LRP6: variants seen among roughly 807,000 people sequenced by gnomAD.
LRP6 encodes the protein LDL receptor related protein 6.
LRP6 carries 43 observed loss-of-function variants against 184.1 expected under a neutral mutation model. That is an observed-to-expected ratio of 0.23 (90% CI 0.18 to 0.30). The LOEUF is 0.30. Ranked by LOEUF, LRP6 falls within the 10% of genes least tolerant of loss-of-function variation. The pLI is 1.00. For synonymous variants in LRP6, 719 were observed against 684.9 expected, an observed-to-expected ratio of 1.05 and a Z score of -0.78; for missense variants, 1,571 against 2,005.3, an observed-to-expected ratio of 0.78 and a Z score of 4.14.
intron 2 of LRP6, among the ~76,000 whole-genome samples, chr12:12,231,990 C>T (rs1461062185): frequency 2.0e-5 from 3 of 149,410 alleles, no homozygotes; most frequent in African/African-American, 7.4e-5. Context: ...CGAAGCGAGA[C>T]CCTGCCTCAA....
chr12:12,136,367 T>C (rs996440321), intron 16 of LRP6, among the ~76,000 whole-genome samples: 2 of 151,930 alleles, frequency 1.3e-5, no homozygotes, highest in Non-Finnish European at 2.9e-5. Flanking sequence ...AAAGAGTTAT[T>C]AGAAGAAAAA....
intron 7 of LRP6, among the ~76,000 whole-genome samples, chr12:12,176,349 G>A (rs1863182010): frequency 6.6e-6 from 1 of 152,094 alleles, no homozygotes; most frequent in African/African-American, 2.4e-5. Context: ...ACAGATAGGT[G>A]GCCACTATCA....
At chr12:12,174,262 C>T (rs1863117345) in intron 7 of LRP6, among the ~76,000 whole-genome samples, 1 of 152,068 alleles carries the variant, frequency 6.6e-6, no homozygotes. Flanking sequence ...CAGGCGCATG[C>T]CACCACGTTT....
At chr12:12,196,583 C>T (rs1565632331) in intron 3 of LRP6, among the ~76,000 whole-genome samples, 1 of 151,576 alleles carries the variant, frequency 6.6e-6, no homozygotes, top group African/African-American at 2.4e-5. Flanking sequence ...TTGATCAGTT[C>T]TAAGAATTTT....
chr12:12,220,398 G>A (rs185460730), intron 2 of LRP6, among the ~76,000 whole-genome samples: 1 of 152,182 alleles, frequency 6.6e-6, no homozygotes, highest in East Asian at 1.9e-4. Flanking sequence ...GTGTGAACAT[G>A]TCACCTAACA....
intron 3 of LRP6, among the ~76,000 whole-genome samples, chr12:12,193,372 TAA>T (rs544400888): frequency 6.0e-5 from 8 of 132,872 alleles, no homozygotes; most frequent in Admixed American, 7.6e-5. Context: ...ACATTAGGGT[TAA>T]AAAAAAAAAA....
At chr12:12,123,317 TAGA>T (rs1949628976) in intron 22 of LRP6, among the ~76,000 whole-genome samples, 1 of 152,256 alleles carries the variant, frequency 6.6e-6, no homozygotes, top group Non-Finnish European at 1.5e-5. Flanking sequence ...TTTGGCTTCC[TAGA>T]AGAAGAAACT....
chr12:12,212,886 A>C (rs1161279634), intron 2 of LRP6, among the ~76,000 whole-genome samples: 1 of 152,256 alleles, frequency 6.6e-6, no homozygotes, highest in Non-Finnish European at 1.5e-5. Flanking sequence ...CTTGAGAATT[A>C]GAACTTATCC....
intron 12 of LRP6, among the ~76,000 whole-genome samples, chr12:12,151,580 A>G (rs536127747): frequency 9.1e-4 from 138 of 152,336 alleles, no homozygotes; most frequent in Non-Finnish European, 1.6e-3. Context: ...CGGTAAAATA[A>G]AAGTCATAGT....
At chr12:12,259,247 A>G (rs1201666188) in intron 1 of LRP6, among the ~76,000 whole-genome samples, 1 of 144,082 alleles carries the variant, frequency 6.9e-6, no homozygotes, top group African/African-American at 2.6e-5. Flanking sequence ...TGGGTGACAG[A>G]GCGAGACTCC....
chr12:12,183,441 G>C (rs1298242856), intron 5 of LRP6, among the ~76,000 whole-genome samples: 1 of 152,152 alleles, frequency 6.6e-6, no homozygotes. Flanking sequence ...TAAGAGTAAG[G>C]AGAACAGGCA....
At chr12:12,258,853 T>TTA (rs1472758832) in intron 1 of LRP6, among the ~76,000 whole-genome samples, 1 of 152,044 alleles carries the variant, frequency 6.6e-6, no homozygotes, top group Admixed American at 6.6e-5. Flanking sequence ...GTAGTTTGGG[T>TTA]CTTGTAGTGA....
chr12:12,144,226 T>C (rs1949971937), intron 15 of LRP6, among the ~76,000 whole-genome samples: 1 of 152,226 alleles, frequency 6.6e-6, no homozygotes, highest in Admixed American at 6.5e-5. Context: ...GGTTATTTTT[T>C]GAGACAGGGT....
chr12:12,172,657 T>A (rs1000070512), intron 7 of LRP6, among the ~76,000 whole-genome samples: 1 of 152,222 alleles, frequency 6.6e-6, no homozygotes, highest in Non-Finnish European at 1.5e-5. Context: ...AGCTTATACA[T>A]AAGGAAGACA....
At chr12:12,246,493 C>A (rs1350360678) in intron 1 of LRP6, among the ~76,000 whole-genome samples, 1 of 151,506 alleles carries the variant, frequency 6.6e-6, no homozygotes, top group Non-Finnish European at 1.5e-5. Context: ...GAGTTCAAGA[C>A]CAGCCTTGGC....
rs974397428 is a variant in LRP6, at chr12:12,138,888, G to A, written c.3398-354C>T. 5 of 1,372,544 alleles carry A rather than the reference G, an allele frequency of 3.6e-6. No homozygotes were observed. The Admixed American group carries it at 9.5e-5, about 26-fold the overall frequency. 85.0% of individuals were successfully genotyped at this position (1,372,544 alleles called of 1,614,324 possible). A position where few individuals can be genotyped will look rare whatever the true frequency, so the allele number is the denominator to read the frequency against. ...AGTGGTGGTGGACCCAGAGTTCTGA[G>A]TATACCTGAGGCATTTATGAAGAAC... On this transcript the variant is annotated intron_variant, in intron 15 of 22. Transcript: ENST00000261349.
At chr12:12,177,591 C>T (rs1048340511) in intron 7 of LRP6, among the ~76,000 whole-genome samples, 2 of 152,138 alleles carry the variant, frequency 1.3e-5, no homozygotes, top group African/African-American at 4.8e-5. Flanking sequence ...TCAGATTTTA[C>T]ATCAACATAA....
intron 1 of LRP6, among the ~76,000 whole-genome samples, chr12:12,253,353 A>G (rs886675361): frequency 6.6e-6 from 1 of 152,232 alleles, no homozygotes; most frequent in African/African-American, 2.4e-5. Flanking sequence ...TTCGCATGCC[A>G]CAAAAATCAA....
intron 2 of LRP6, among the ~76,000 whole-genome samples, chr12:12,222,674 A>G (rs1864523043): frequency 6.6e-6 from 1 of 152,024 alleles, no homozygotes; most frequent in South Asian, 2.1e-4. Flanking sequence ...AACCCTATAT[A>G]TACTATGTTT....
Sources: gnomAD v4.1 joint callset for allele counts (sites outside exome capture counted in the v4.1 genomes callset) on GRCh38, gnomAD v4.1.1 for gene constraint, MANE v1.5 for transcripts, NCBI Gene and HGNC (gene_info 2026-07-23, HGNC 2026-07-21) for gene names.